TRIP4: variants seen among roughly 807,000 people sequenced by gnomAD.
TRIP4 encodes the protein thyroid hormone receptor interactor 4, also known as activating signal cointegrator 1.
Under a neutral mutation model 81.8 loss-of-function variants are expected in TRIP4, and 54 were observed. That is an observed-to-expected ratio of 0.66 (90% CI 0.53 to 0.83). The LOEUF (loss-of-function observed/expected upper bound fraction) is 0.83, where lower values mean the gene tolerates loss of function less well. TRIP4 is among the 40% of genes least tolerant of loss of function. TRIP4 has a pLI of 0.00. For synonymous variants in TRIP4, 270 were observed against 242.8 expected, an observed-to-expected ratio of 1.11 and a Z score of -1.04; for missense variants, 662 against 683.6, an observed-to-expected ratio of 0.97 and a Z score of 0.35.
intron 3 of TRIP4, among the ~76,000 whole-genome samples, 160 bp from the exon 4 acceptor site, chr15:64,397,446 C>A (rs987267092): frequency 6.6e-6 from 1 of 152,206 alleles, no homozygotes; most frequent in African/African-American, 2.4e-5. Flanking sequence ...TTCCTCAGAA[C>A]CTTGATTATA....
intron 9 of TRIP4, among the ~76,000 whole-genome samples, chr15:64,423,626 C>G (rs1892068508): frequency 6.6e-6 from 1 of 152,036 alleles, no homozygotes; most frequent in Non-Finnish European, 1.5e-5. Flanking sequence ...AACAAATCAA[C>G]TAATCTTCTA....
At chr15:64,392,270 C>T (rs898393531) in intron 1 of TRIP4, among the ~76,000 whole-genome samples, 5 of 152,142 alleles carry the variant, frequency 3.3e-5, no homozygotes, top group African/African-American at 1.2e-4. Flanking sequence ...TGCACTCCAG[C>T]CTGGGAGACT....
In TRIP4 at chr15:64,395,421, G is replaced by C; in HGVS notation, c.295G>C (p.Gly99Arg). Residue 99 changes from glycine (G) to arginine (R), a missense_variant, in exon 3 of 13, where the codon GGC becomes CGC. By Grantham distance (125) the Gly-to-Arg change is moderately radical. Transcript: ENST00000261884. Reference protein sequence around the residue: ...KDEILDGQKSGDHLKRGRKKG... With the variant: ...KDEILDGQKSRDHLKRGRKKG... ...AGAAATTTTAGATGGGCAGAAATCA[G>C]GCGACCATCTAAAGCGGGGTAGGAA... 6.2e-7 allele frequency: 1 copy of C among 1,610,998 alleles called. No individual in the cohort carries two copies. The highest frequency in any genetic ancestry group is 2.2e-5 in the East Asian group (1 of 44,822).
At chr15:64,414,657 C>T (rs1891853191) in intron 8 of TRIP4, among the ~76,000 whole-genome samples, 1 of 151,286 alleles carries the variant, frequency 6.6e-6, no homozygotes, top group African/African-American at 2.4e-5. Flanking sequence ...GCTGGGACTA[C>T]AGGTGCCCGC....
chr15:64,436,936 T>C lies in TRIP4; in HGVS notation c.1576-8070T>C, dbSNP rs1276026584. The stretch of plus-strand genomic sequence containing the variant: ...GTTGGCCAGGATGGTCTCCATCTCC[T>C]GACCTCATGATCTGCCTGCCTCAGC... On this transcript the variant is annotated intron_variant, in intron 11 of 12. Transcript: ENST00000261884. 2.0e-5 allele frequency among the ~76,000 whole-genome samples: 3 copies of C among 151,788 alleles called. No homozygotes were observed. The East Asian group carries it at 5.9e-4, about 30-fold the overall frequency.
intron 5 of TRIP4, among the ~76,000 whole-genome samples, chr15:64,404,010 G>A (rs1329120840): frequency 6.6e-6 from 1 of 151,768 alleles, no homozygotes; most frequent in Non-Finnish European, 1.5e-5. Context: ...TGACCAATGT[G>A]GAGAAACCCC....
intron 7 of TRIP4, among the ~76,000 whole-genome samples, chr15:64,410,282 T>A (rs1891731959): frequency 6.6e-6 from 1 of 152,098 alleles, no homozygotes; most frequent in African/African-American, 2.4e-5. Flanking sequence ...TACCTCAGCC[T>A]CTGAAAGTGC....
chr15:64,430,077 T>C (rs1163085976), intron 11 of TRIP4, among the ~76,000 whole-genome samples: 1 of 152,274 alleles, frequency 6.6e-6, no homozygotes, highest in African/African-American at 2.4e-5. Flanking sequence ...CGAAAAGGTT[T>C]TGTTAGTGGT....
chr15:64,433,219 A>G (rs1892315551), intron 11 of TRIP4, among the ~76,000 whole-genome samples: 2 of 152,230 alleles, frequency 1.3e-5, no homozygotes, highest in South Asian at 4.1e-4. Context: ...GCTTTGAAGG[A>G]TAGTAATGAA....
intron 11 of TRIP4, among the ~76,000 whole-genome samples, chr15:64,439,694 T>G (rs1259021998): frequency 6.6e-6 from 1 of 151,658 alleles, no homozygotes; most frequent in Non-Finnish European, 1.5e-5. Context: ...GGCTAATTTT[T>G]TGTATTTTTA....
chr15:64,443,128 G>A (rs1723525441), intron 11 of TRIP4, among the ~76,000 whole-genome samples: 1 of 152,140 alleles, frequency 6.6e-6, no homozygotes, highest in Admixed American at 6.6e-5. Flanking sequence ...CAAGAAAAAA[G>A]TAGGAGAGGA....
chr15:64,418,079 A>T (rs1258399470), intron 8 of TRIP4, among the ~76,000 whole-genome samples: 10 of 152,088 alleles, frequency 6.6e-5, no homozygotes, highest in Admixed American at 6.6e-4. Context: ...TTTTGGCCTT[A>T]TTGCAGACAA....
rs1408240287 is a variant in TRIP4, at chr15:64,412,595, G to A, written c.1044-1490G>A. The stretch of plus-strand genomic sequence containing the variant: ...AAAGCCTCTTGAAGGCAGGAACAAT[G>A]TCTTCCCCACCTTTTAAGCTGCCTT... On this transcript the variant is annotated intron_variant, in intron 7 of 12. Coordinates refer to ENST00000261884, the MANE Select transcript of TRIP4 (RefSeq NM_016213.5). Among the ~76,000 whole-genome samples, 3 of 148,880 alleles carry A rather than the reference G, an allele frequency of 2.0e-5. No individual in the cohort carries two copies. The East Asian group carries it at 5.9e-4, about 29-fold the overall frequency.
rs552452061 is a variant in TRIP4 at position 64,393,598 on chromosome 15, ACT to A, written c.102-347_102-346del. Reference sequence around the variant, plus strand: ...ATAATACTACAACCCAGAAATAAGCACTGTTTCTTTCTCTTTTTTCCCATATA... The same window carrying A: ...ATAATACTACAACCCAGAAATAAGCAGTTTCTTTCTCTTTTTTCCCATATA... On this transcript the variant is annotated intron_variant, in intron 1 of 12. Coordinates refer to ENST00000261884, the MANE Select transcript of TRIP4 (RefSeq NM_016213.5). 2.9e-3 allele frequency: 466 copies of A among 159,330 alleles called. 3 individuals carry two copies. Among genetic ancestry groups the A allele is most frequent in the African/African-American group, 0.011 (451 of 41,850 alleles). 9.9% of individuals were successfully genotyped at this position (159,330 alleles called of 1,614,324 possible).
rs1050489684 is a variant in TRIP4 at position 64,397,526 on chromosome 15, A to T, written c.406-80A>T. ...TGGATAGTATATAAGTTGTTACTGAACAGAACGGAGCATTTTCTCCCTTGA... is the reference window on the plus strand; with the variant it reads ...TGGATAGTATATAAGTTGTTACTGATCAGAACGGAGCATTTTCTCCCTTGA... On this transcript the variant is annotated intron_variant, in intron 3 of 12. Transcript: ENST00000261884. 6.4e-6 allele frequency: 9 copies of T among 1,410,328 alleles called. No homozygotes were observed. The African/African-American group carries it at 9.9e-5, about 16-fold the overall frequency. 87.4% of individuals were successfully genotyped at this position (1,410,328 alleles called of 1,614,324 possible).
chr15:64,439,376 A>G (rs1293191976), intron 11 of TRIP4, among the ~76,000 whole-genome samples: 2 of 152,128 alleles, frequency 1.3e-5, no homozygotes, highest in African/African-American at 2.4e-5. Context: ...ACGAGATTTC[A>G]GACCCTGATT....
chr15:64,435,474 C>A (rs1410874266), intron 11 of TRIP4, among the ~76,000 whole-genome samples: 1 of 147,724 alleles, frequency 6.8e-6, no homozygotes. Flanking sequence ...TGCAGTGAGC[C>A]GAGATCGCGC....
intron 6 of TRIP4, among the ~76,000 whole-genome samples, chr15:64,409,094 C>T (rs1455210738): frequency 6.6e-6 from 1 of 151,842 alleles, no homozygotes; most frequent in Non-Finnish European, 1.5e-5. Context: ...GCCTATAATC[C>T]CAGCTACTCA....
At chr15:64,398,067 A>AT (rs1596336935) in intron 4 of TRIP4, among the ~76,000 whole-genome samples, 1 of 151,786 alleles carries the variant, frequency 6.6e-6, no homozygotes, top group Non-Finnish European at 1.5e-5. Flanking sequence ...CGCCCAGCTA[A>AT]TTTTTTTGTA....
Sources: allele counts gnomAD v4.1 joint callset (sites outside exome capture counted in the v4.1 genomes callset), GRCh38; gene constraint gnomAD v4.1.1; transcripts MANE v1.5; gene names NCBI Gene and HGNC (gene_info 2026-07-23, HGNC 2026-07-21).